The following MEF2A variants were observed in gnomAD, a reference collection of about 807,000 sequenced individuals.
The protein encoded by MEF2A is myocyte enhancer factor 2A.
Under a neutral mutation model 55.8 loss-of-function variants are expected in MEF2A, and 28 were observed. That is an observed-to-expected ratio of 0.50 (90% CI 0.37 to 0.69). The LOEUF (loss-of-function observed/expected upper bound fraction) is 0.69. MEF2A is among the 30% of genes least tolerant of loss of function. MEF2A has a pLI of 0.00. For missense variants in MEF2A, 528 were observed against 626.2 expected, an observed-to-expected ratio of 0.84 and a Z score of 1.67; for synonymous variants, 239 against 227.1, an observed-to-expected ratio of 1.05 and a Z score of -0.47.
At chr15:99,599,737 C>A (rs1390615185) in intron 2 of MEF2A, among the ~76,000 whole-genome samples, 1 of 152,022 alleles carries the variant, frequency 6.6e-6, no homozygotes, top group African/African-American at 2.4e-5. Flanking sequence ...AAAATATAAA[C>A]CTTGGTTAGT....
chr15:99,696,316 C>T (rs750143593), intron 8 of MEF2A, among the ~76,000 whole-genome samples: 1 of 152,166 alleles, frequency 6.6e-6, no homozygotes, highest in Non-Finnish European at 1.5e-5. Flanking sequence ...ACACTTTTCA[C>T]AAGTGCACAT....
At chr15:99,687,566 C>T (rs1337521007) in intron 7 of MEF2A, among the ~76,000 whole-genome samples, 3 of 152,174 alleles carry the variant, frequency 2.0e-5, no homozygotes, top group East Asian at 1.9e-4. Context: ...CGTGCTTTAA[C>T]GTGTTTTTCT....
chr15:99,610,830 T>G lies in MEF2A; in HGVS notation c.-143+12319T>G, dbSNP rs368640504. Among the ~76,000 whole-genome samples the G allele has an allele frequency of 4.6e-5, 7 of 152,346 alleles. No homozygotes were observed. The East Asian group carries it at 9.6e-4, about 21-fold the overall frequency. ...TAAAACTATATAGGCTAAGTCTTCA[T>G]GATCCTGAATTTGGCAATGGTTTCT... On this transcript the variant is annotated intron_variant, in intron 2 of 11. Transcript: ENST00000557942.
intron 3 of MEF2A, among the ~76,000 whole-genome samples, chr15:99,638,196 T>A (rs769817810): frequency 6.6e-6 from 1 of 152,216 alleles, no homozygotes; most frequent in Non-Finnish European, 1.5e-5. Flanking sequence ...CTTAGTACTT[T>A]GAAGCAGTTG....
At chr15:99,620,867 A>G (rs921927575) in intron 2 of MEF2A, 8 of 141,168 alleles carry the variant, frequency 5.7e-5, no homozygotes, top group African/African-American at 1.8e-4. Context: ...TTTTTGGGAC[A>G]TTGAGTCTCA....
At chr15:99,634,115 T>C (rs2043369477) in intron 3 of MEF2A, among the ~76,000 whole-genome samples, 1 of 152,178 alleles carries the variant, frequency 6.6e-6, no homozygotes. Flanking sequence ...GAACAAGTGG[T>C]TTCAGAAAGT....
At chr15:99,698,672 A>G (rs1470131397) in intron 8 of MEF2A, among the ~76,000 whole-genome samples, 1 of 152,050 alleles carries the variant, frequency 6.6e-6, no homozygotes, top group South Asian at 2.1e-4. Context: ...CATGCCTGTA[A>G]TCCCAGCTAC....
chr15:99,566,177 G>A (rs913694104), intron 1 of MEF2A, 73 bp downstream of exon 1: 2 of 150,426 alleles, frequency 1.3e-5, no homozygotes, highest in African/African-American at 4.9e-5. Flanking sequence ...CTCGCTTAGG[G>A]GACCGAGTAG....
intron 1 of MEF2A, among the ~76,000 whole-genome samples, chr15:99,598,083 A>G (rs1338335111): frequency 6.6e-6 from 1 of 152,256 alleles, no homozygotes; most frequent in Non-Finnish European, 1.5e-5. Flanking sequence ...TAAGTTCAAT[A>G]GGCTATACGC....
At chr15:99,695,830 G>T in intron 8 of MEF2A, among the ~76,000 whole-genome samples, 1 of 148,900 alleles carries the variant, frequency 6.7e-6, no homozygotes, top group Non-Finnish European at 1.5e-5. Context: ...TTGCGCTCCA[G>T]CCTGGGCAAC....
At chr15:99,674,852 A>G (rs1047927654) in intron 6 of MEF2A, among the ~76,000 whole-genome samples, 1 of 152,172 alleles carries the variant, frequency 6.6e-6, no homozygotes, top group African/African-American at 2.4e-5. Flanking sequence ...TTCTCATGGG[A>G]AAGCCATACT....
intron 11 of MEF2A, among the ~76,000 whole-genome samples, chr15:99,711,878 G>A (rs775089867): frequency 1.8e-4 from 27 of 152,332 alleles, no homozygotes; most frequent in Admixed American, 3.9e-4. Context: ...GCCCAGGCCC[G>A]GGGAACAGCC....
chr15:99,571,833 T>C (rs1962438752), intron 1 of MEF2A, among the ~76,000 whole-genome samples: 1 of 152,176 alleles, frequency 6.6e-6, no homozygotes, highest in African/African-American at 2.4e-5. Context: ...CTTGATTCTT[T>C]CCATTTCTCT....
At chr15:99,576,807 AT>A (rs997162932) in intron 1 of MEF2A, among the ~76,000 whole-genome samples, 5 of 151,662 alleles carry the variant, frequency 3.3e-5, no homozygotes, top group East Asian at 1.9e-4. Flanking sequence ...CGCCCGGCTA[AT>A]TTTTTTTCTT....
intron 3 of MEF2A, 61 bp from the exon 4 acceptor site, chr15:99,645,500 A>C: frequency 8.3e-7 from 1 of 1,206,838 alleles, no homozygotes; most frequent in Non-Finnish European, 1.2e-6. Context: ...TCATCTTCAG[A>C]TAGCCCATAT....
At position 99,602,818 on chromosome 15, in the gene MEF2A, C is replaced by T. The variant is rs140782075; in HGVS notation, c.-143+4307C>T. The stretch of plus-strand genomic sequence containing the variant: ...TGTGTGTAGGGGTGGGGAGCTTTTC[C>T]TGCCCTGCTCATGTCTGACTAGCTA... On this transcript the variant is annotated intron_variant, in intron 2 of 11. Coordinates refer to ENST00000557942, the MANE Select transcript of MEF2A (RefSeq NM_001319206.4). Among the ~76,000 whole-genome samples, 336 of 148,200 alleles carry T rather than the reference C, an allele frequency of 2.3e-3. 4 individuals are homozygous for T. Among genetic ancestry groups the T allele is most frequent in the African/African-American group, 7.9e-3 (317 of 40,004 alleles).
At chr15:99,613,162 C>A (rs959893928) in intron 2 of MEF2A, among the ~76,000 whole-genome samples, 1 of 152,200 alleles carries the variant, frequency 6.6e-6, no homozygotes, top group African/African-American at 2.4e-5. Context: ...AGACGTACAT[C>A]ATCGTAATCT....
chr15:99,615,383 T>C (rs2040018721), intron 2 of MEF2A, among the ~76,000 whole-genome samples: 1 of 152,196 alleles, frequency 6.6e-6, no homozygotes, highest in Non-Finnish European at 1.5e-5. Context: ...GTTTTTAATA[T>C]TAAGTAATGA....
chr15:99,685,752 A>G (rs951058897), intron 7 of MEF2A, among the ~76,000 whole-genome samples: 1 of 152,100 alleles, frequency 6.6e-6, no homozygotes, highest in African/African-American at 2.4e-5. Context: ...TGTGCTCATC[A>G]TGGGTATTGG....
Sources: allele counts gnomAD v4.1 joint callset (sites outside exome capture counted in the v4.1 genomes callset), GRCh38; gene constraint gnomAD v4.1.1; transcripts MANE v1.5; gene names NCBI Gene and HGNC (gene_info 2026-07-23, HGNC 2026-07-21).